CFAP54: variants seen among roughly 807,000 people sequenced by gnomAD.
The protein encoded by CFAP54 is cilia- and flagella-associated protein 54.
Under a neutral mutation model 370.4 loss-of-function variants are expected in CFAP54, and 290 were observed. The ratio of observed to expected loss-of-function variants is 0.78; its 90% confidence interval spans 0.71 to 0.86. CFAP54 has a LOEUF of 0.86. CFAP54 is among the 40% of genes least tolerant of loss of function. The pLI is 0.00. For missense variants in CFAP54, 3,399 were observed against 3,528.7 expected, an observed-to-expected ratio of 0.96 and a Z score of 0.93; for synonymous variants, 1,206 against 1,236.5, an observed-to-expected ratio of 0.98 and a Z score of 0.52.
chr12:96,729,042 T>C (rs1041095429), intron 50 of CFAP54, among the ~76,000 whole-genome samples: 3 of 152,184 alleles, frequency 2.0e-5, no homozygotes, highest in African/African-American at 7.2e-5. Flanking sequence ...CTGGAAGTTT[T>C]GTCTCAGAGG....
At chr12:96,716,180 T>C (rs1004240102) in intron 48 of CFAP54, among the ~76,000 whole-genome samples, 1 of 152,244 alleles carries the variant, frequency 6.6e-6, no homozygotes, top group Non-Finnish European at 1.5e-5. Flanking sequence ...GAATTAAATA[T>C]GTAGATTTTC....
At chr12:96,627,214 T>C (rs190331123) in intron 30 of CFAP54, among the ~76,000 whole-genome samples, 3 of 152,212 alleles carry the variant, frequency 2.0e-5, no homozygotes, top group African/African-American at 7.2e-5. Flanking sequence ...GATAATAGTA[T>C]CTCTAGGCCA....
At chr12:96,607,526 A>G (rs553888781) in intron 26 of CFAP54, among the ~76,000 whole-genome samples, 49 of 152,332 alleles carry the variant, frequency 3.2e-4, no homozygotes, top group Non-Finnish European at 4.1e-4. Context: ...CCCTTCCAAC[A>G]TAGTACAGAA....
chr12:96,852,812 A>G (rs531645985), intron 66 of CFAP54, among the ~76,000 whole-genome samples: 65 of 152,272 alleles, frequency 4.3e-4, no homozygotes, highest in Middle Eastern at 3.4e-3. Context: ...AGACACCTCA[A>G]TATAAATTGG....
chr12:96,494,457 C>T (rs949429792), intron 1 of CFAP54, among the ~76,000 whole-genome samples: 12 of 152,012 alleles, frequency 7.9e-5, no homozygotes, highest in African/African-American at 1.9e-4. Flanking sequence ...CATGCCACCA[C>T]GCCCGGCTAA....
chr12:96,763,993 C>T (rs1244067691), intron 58 of CFAP54, among the ~76,000 whole-genome samples, 158 bp from the exon 59 acceptor site: 2 of 152,138 alleles, frequency 1.3e-5, no homozygotes, highest in African/African-American at 2.4e-5. Context: ...TTGTAACCTA[C>T]ACTTTTCTTT....
chr12:96,497,443 A>G (rs887938330), intron 1 of CFAP54, among the ~76,000 whole-genome samples: 10 of 152,352 alleles, frequency 6.6e-5, no homozygotes, highest in Non-Finnish European at 1.3e-4. Context: ...AGACAAATCT[A>G]TGGAACAATA....
chr12:96,694,504 C>T (rs762294356), intron 45 of CFAP54, among the ~76,000 whole-genome samples: 5 of 151,794 alleles, frequency 3.3e-5, no homozygotes, highest in East Asian at 1.9e-4. Flanking sequence ...CACACACACG[C>T]GCACACACAC....
At chr12:96,825,545 A>G (rs1397292020) in intron 65 of CFAP54, among the ~76,000 whole-genome samples, 1 of 117,212 alleles carries the variant, frequency 8.5e-6, no homozygotes, top group Non-Finnish European at 1.6e-5. Flanking sequence ...ACTATATATT[A>G]TATATATTAT....
In CFAP54 at chr12:96,498,514, G is replaced by A. The variant is rs11108547; in HGVS notation, c.318-2320G>A. ...TTAAAAATACAAAAATTAGCTGGGCGTGGTGGTGCGTGCCTGTAGTCCCAG... is the reference window on the plus strand; with the variant it reads ...TTAAAAATACAAAAATTAGCTGGGCATGGTGGTGCGTGCCTGTAGTCCCAG... On this transcript the variant is annotated intron_variant, in intron 1 of 67. Coordinates refer to ENST00000524981, the MANE Select transcript of CFAP54 (RefSeq NM_001306084.2). Among the ~76,000 whole-genome samples, 107 of 152,224 alleles carry A rather than the reference G, an allele frequency of 7.0e-4. 2 individuals carry two copies. Among genetic ancestry groups the A allele is most frequent in the East Asian group, 6.2e-3 (32 of 5,176 alleles).
At position 96,553,248 on chromosome 12, in the gene CFAP54, C is replaced by T. The variant is rs555008131; in HGVS notation, c.2155-934C>T. Among the ~76,000 whole-genome samples the T allele has an allele frequency of 2.2e-4, 33 of 152,206 alleles. No homozygotes were observed. The East Asian group carries it at 6.2e-3, about 28-fold the overall frequency. ...AATCCCTGACTGACCCATTGAGTTA[C>T]ATATACCAGCAGGAATAAGTTTCAA... On this transcript the variant is annotated intron_variant, in intron 15 of 67. Coordinates refer to ENST00000524981, the MANE Select transcript of CFAP54 (RefSeq NM_001306084.2).
At chr12:96,642,075 T>TA (rs201146449) in intron 32 of CFAP54, among the ~76,000 whole-genome samples, 5,156 of 150,176 alleles carry the variant, frequency 0.034, 210 homozygotes, top group African/African-American at 0.097. Context: ...ACTTAAAGTA[T>TA]AAAAAAAAGA....
intron 1 of CFAP54, among the ~76,000 whole-genome samples, chr12:96,499,673 C>T (rs1022850936): frequency 6.6e-6 from 1 of 152,086 alleles, no homozygotes; most frequent in Non-Finnish European, 1.5e-5. Flanking sequence ...GGGCTGGGAG[C>T]GGTGGCTCAT....
intron 1 of CFAP54, among the ~76,000 whole-genome samples, chr12:96,490,899 C>A (rs1954875844): frequency 6.6e-6 from 1 of 151,800 alleles, no homozygotes; most frequent in African/African-American, 2.4e-5. Context: ...AGTAAATAAT[C>A]TTACAAGGAG....
intron 32 of CFAP54, among the ~76,000 whole-genome samples, chr12:96,639,708 G>C (rs944055887): frequency 1.3e-5 from 2 of 152,164 alleles, no homozygotes; most frequent in Non-Finnish European, 2.9e-5. Flanking sequence ...GAATCCAGCA[G>C]CACATCAAAA....
intron 61 of CFAP54, among the ~76,000 whole-genome samples, chr12:96,785,488 T>C (rs982646967): frequency 6.6e-6 from 1 of 152,158 alleles, no homozygotes; most frequent in Non-Finnish European, 1.5e-5. Context: ...ATTTGACCCA[T>C]GCCAGGGCAC....
chr12:96,779,075 C>T (rs1958554697), intron 60 of CFAP54, among the ~76,000 whole-genome samples: 1 of 149,558 alleles, frequency 6.7e-6, no homozygotes, highest in Non-Finnish European at 1.5e-5. Context: ...CCATCGCACT[C>T]CAGCCTGGGC....
intron 55 of CFAP54, among the ~76,000 whole-genome samples, chr12:96,747,986 C>T (rs1036343336): frequency 6.6e-6 from 1 of 151,574 alleles, no homozygotes; most frequent in African/African-American, 2.4e-5. Context: ...TTATTTTAGA[C>T]ATTCATTGTA....
intron 32 of CFAP54, among the ~76,000 whole-genome samples, chr12:96,638,419 T>C (rs1349188232): frequency 6.6e-6 from 1 of 151,308 alleles, no homozygotes; most frequent in African/African-American, 2.4e-5. Flanking sequence ...TTTTTTTTAA[T>C]TGTAGAGATG....
Sources: gnomAD v4.1 joint callset for allele counts (sites outside exome capture counted in the v4.1 genomes callset) on GRCh38, gnomAD v4.1.1 for gene constraint, MANE v1.5 for transcripts, NCBI Gene and HGNC (gene_info 2026-07-23, HGNC 2026-07-21) for gene names.